FAAH2: variants seen among roughly 807,000 people sequenced by gnomAD.
FAAH2 encodes the protein fatty-acid amide hydrolase 2.
FAAH2 carries 60 observed loss-of-function variants against 36.9 expected under a neutral mutation model. That is an observed-to-expected ratio of 1.63 (90% CI 1.32 to 2.02). The LOEUF (loss-of-function observed/expected upper bound fraction) is 2.02, where lower values mean the gene tolerates loss of function less well. FAAH2 is among the 30% of genes most tolerant of loss of function. The pLI is 0.00. For missense variants in FAAH2, 689 were observed against 397.5 expected (o/e 1.73, Z -6.23); for synonymous variants, 214 against 143.8 (o/e 1.49, Z -3.49).
At chrX:57,306,972 C>T (rs1438284961) in intron 2 of FAAH2, among the ~76,000 whole-genome samples, 1 of 31,875 alleles carries the variant, frequency 3.1e-5, no homozygotes, top group Admixed American at 5.3e-4. Flanking sequence ...TATACACACA[C>T]GTATACACAC....
chrX:57,270,676 C>T, the FAAH2 span, among the ~76,000 whole-genome samples: 3 of 111,524 alleles, frequency 2.7e-5, no homozygotes, highest in African/African-American at 9.8e-5. Flanking sequence ...GTGCAGCCCA[C>T]GGAGGGTGAG....
chrX:57,186,556 C>G, the FAAH2 span, among the ~76,000 whole-genome samples: 2 of 112,125 alleles, frequency 1.8e-5, no homozygotes, highest in African/African-American at 6.5e-5. Flanking sequence ...AGCAGAAACT[C>G]TTTAGTTTAA....
intron 10 of FAAH2, among the ~76,000 whole-genome samples, chrX:57,451,824 C>T (rs2056788733): frequency 8.9e-6 from 1 of 112,229 alleles, no homozygotes; most frequent in Admixed American, 9.4e-5. Context: ...GCACCCTGCC[C>T]CATCCTGCTT....
At chrX:57,181,855 G>T in the FAAH2 span, among the ~76,000 whole-genome samples, 1 of 111,932 alleles carries the variant, frequency 8.9e-6, no homozygotes, top group Non-Finnish European at 1.9e-5. Context: ...AATCAAAACT[G>T]CATGGTACTG....
chrX:57,405,392 G>T (rs1236979420), intron 7 of FAAH2, among the ~76,000 whole-genome samples: 2 of 111,011 alleles, frequency 1.8e-5, no homozygotes, highest in Non-Finnish European at 3.8e-5. Flanking sequence ...ATGGAACCCA[G>T]CAACTAGTGT....
At chrX:57,264,147 C>A in the FAAH2 span, among the ~76,000 whole-genome samples, 1 of 111,550 alleles carries the variant, frequency 9.0e-6, no homozygotes, top group African/African-American at 3.3e-5. Context: ...TTTTTAGAAT[C>A]TAGTGTTGAC....
At chrX:57,368,612 G>T (rs948954201) in intron 5 of FAAH2, among the ~76,000 whole-genome samples, 3 of 111,907 alleles carry the variant, frequency 2.7e-5, no homozygotes, top group Non-Finnish European at 5.6e-5. Context: ...GGCATTGCTG[G>T]TGTTGACTAC....
chrX:57,351,405 C>G (rs1326324206), intron 5 of FAAH2, among the ~76,000 whole-genome samples: 1 of 111,070 alleles, frequency 9.0e-6, no homozygotes, highest in African/African-American at 3.3e-5. Flanking sequence ...TACAAAGTAA[C>G]AATTTAATGA....
the FAAH2 span, among the ~76,000 whole-genome samples, chrX:57,194,536 T>A: frequency 8.9e-6 from 1 of 111,811 alleles, no homozygotes; most frequent in Non-Finnish European, 1.9e-5. Context: ...CTTCTAACTA[T>A]GCATTTTCTG....
chrX:57,433,030 CTT>C (rs1161969240), intron 8 of FAAH2, among the ~76,000 whole-genome samples: 2 of 109,727 alleles, frequency 1.8e-5, no homozygotes, highest in African/African-American at 6.6e-5. Flanking sequence ...TGCAGAAACA[CTT>C]TGGAAATCTC....
chrX:57,299,582 CA>C (rs1367052365), intron 2 of FAAH2, among the ~76,000 whole-genome samples: 1 of 111,891 alleles, frequency 8.9e-6, no homozygotes, highest in Admixed American at 9.4e-5. Context: ...TCCTATTCAA[CA>C]TAGTGTTGGA....
intron 2 of FAAH2, among the ~76,000 whole-genome samples, chrX:57,294,532 T>C (rs1028936253): frequency 4.5e-5 from 5 of 112,067 alleles, no homozygotes; most frequent in African/African-American, 1.3e-4. Flanking sequence ...CTAACTCTAA[T>C]TAATCAACAA....
intron 5 of FAAH2, among the ~76,000 whole-genome samples, chrX:57,376,248 C>T (rs910164234): frequency 1.4e-4 from 15 of 110,532 alleles, no homozygotes; most frequent in South Asian, 7.8e-4. Flanking sequence ...TATTATTAAT[C>T]TTCTCCACAA....
chrX:57,435,856 G>A (rs1359051105), intron 8 of FAAH2, among the ~76,000 whole-genome samples: 2 of 111,197 alleles, frequency 1.8e-5, no homozygotes, highest in South Asian at 3.7e-4. Flanking sequence ...AACACACTTT[G>A]ACAGAAAAGT....
At chrX:57,164,309 A>C in the FAAH2 span, among the ~76,000 whole-genome samples, 2 of 112,217 alleles carry the variant, frequency 1.8e-5, no homozygotes, top group Non-Finnish European at 3.8e-5. Context: ...CTATTATAAA[A>C]TTCTTTCTGC....
At position 57,488,811 on chromosome X, in the gene FAAH2, C is replaced by T. The variant is rs757357720; in HGVS notation, c.1478C>T (p.Ala493Val). 3 of 1,211,244 alleles carry T rather than the reference C, an allele frequency of 2.5e-6. No homozygotes were observed. The Admixed American group carries it at 6.5e-5, about 26-fold the overall frequency. ...PVTQCPLGLN[A>V]KGLPLGIQVV... ...ACCCAATGCCCACTGGGACTGAATG[C>T]CAAAGGACTCCCTTTAGGCATCCAG... Residue 493 changes from alanine to valine, a missense_variant, in exon 11 of 11, where the codon GCC (alanine) becomes GTC (valine). Physicochemically the swap from Ala to Val is moderately conservative, Grantham distance 64. Coordinates refer to ENST00000374900, the MANE Select transcript of FAAH2 (RefSeq NM_174912.4).
chrX:57,322,401 A>G (rs1389331870), intron 3 of FAAH2, among the ~76,000 whole-genome samples: 3 of 111,166 alleles, frequency 2.7e-5, no homozygotes, highest in African/African-American at 6.5e-5. Context: ...TTTATAAGTG[A>G]CCTACCCTTT....
intron 5 of FAAH2, among the ~76,000 whole-genome samples, chrX:57,356,826 C>A (rs1375533162): frequency 9.0e-6 from 1 of 110,538 alleles, no homozygotes; most frequent in African/African-American, 3.3e-5. Flanking sequence ...TTCTGGGATA[C>A]ATGTGGAGAA....
chrX:57,275,677 C>A, the FAAH2 span, among the ~76,000 whole-genome samples: 1 of 111,578 alleles, frequency 9.0e-6, no homozygotes. Context: ...TCAGGAGAAC[C>A]ATCTCACGTG....
Sources: allele counts gnomAD v4.1 joint callset (sites outside exome capture counted in the v4.1 genomes callset), GRCh38; gene constraint gnomAD v4.1.1; transcripts MANE v1.5; gene names NCBI Gene and HGNC (gene_info 2026-07-23, HGNC 2026-07-21).